Variants in UBL3 observed in about 807,000 individuals in gnomAD.
UBL3 encodes the protein ubiquitin-like protein 3.
Under a neutral mutation model 18.4 loss-of-function variants are expected in UBL3, and 6 were observed. The observed-to-expected ratio is 0.33, with a 90% CI of 0.18 to 0.64. The LOEUF is 0.64. Ranked by LOEUF, UBL3 falls within the 30% of genes least tolerant of loss-of-function variation. The pLI is 0.76. For missense variants in UBL3, 109 were observed against 142.9 expected, an observed-to-expected ratio of 0.76 and a Z score of 1.21; for synonymous variants, 49 against 46.6, an observed-to-expected ratio of 1.05 and a Z score of -0.21.
intron 1 of UBL3, among the ~76,000 whole-genome samples, chr13:29,801,340 G>C (rs1281260140): frequency 6.6e-6 from 1 of 152,172 alleles, no homozygotes; most frequent in Non-Finnish European, 1.5e-5. Context: ...CCCTGGGGAG[G>C]GGCTCCCAGA....
At chr13:29,776,261 C>CTTTTTT (rs5741722) in intron 2 of UBL3, among the ~76,000 whole-genome samples, 5 of 91,696 alleles carry the variant, frequency 5.5e-5, no homozygotes, top group Admixed American at 1.2e-4. Flanking sequence ...TCTTTTCTTT[C>CTTTTTT]TTTTTTTTTT....
chr13:29,767,231 C>G lies in UBL3; in HGVS notation c.*24G>C, dbSNP rs1295427877. On this transcript the variant is annotated 3_prime_UTR_variant, in exon 5 of 5. Transcript: ENST00000380680. ...GCAGCATGAAAGACAAAGACTATATCACATCACACTAGGCAGACAGTGTTT... is the reference window on the plus strand; with the variant it reads ...GCAGCATGAAAGACAAAGACTATATGACATCACACTAGGCAGACAGTGTTT... 5 of 1,612,032 alleles carry G rather than the reference C, an allele frequency of 3.1e-6. No homozygotes were observed. In the African/African-American group the frequency reaches 6.7e-5, roughly 22 times the overall value.
chr13:29,837,784 G>A (rs913370510), intron 1 of UBL3, among the ~76,000 whole-genome samples: 2 of 151,944 alleles, frequency 1.3e-5, no homozygotes, highest in Non-Finnish European at 2.9e-5. Flanking sequence ...ACAAAAATTA[G>A]CCGGGCGTGG....
intron 1 of UBL3, among the ~76,000 whole-genome samples, chr13:29,843,758 TCAA>T (rs1187467510): frequency 6.6e-6 from 1 of 152,226 alleles, no homozygotes; most frequent in African/African-American, 2.4e-5. Flanking sequence ...TGTAAATACT[TCAA>T]CATGCTTTCA....
At chr13:29,771,344 T>C (rs192776486) in intron 3 of UBL3, among the ~76,000 whole-genome samples, 437 of 152,162 alleles carry the variant, frequency 2.9e-3, no homozygotes, top group Non-Finnish European at 4.0e-3. Flanking sequence ...CTGTTGATGG[T>C]AGAAAATATA....
At chr13:29,779,195 G>A (rs746141653) in intron 1 of UBL3, 1 of 497,946 alleles carries the variant, frequency 2.0e-6, no homozygotes, top group Non-Finnish European at 4.0e-6. Flanking sequence ...AATTCTTCAA[G>A]CAAGGAACCT....
At chr13:29,835,093 T>TAA (rs1474147819) in intron 1 of UBL3, among the ~76,000 whole-genome samples, 2 of 19,956 alleles carry the variant, frequency 1.0e-4, no homozygotes, top group East Asian at 2.4e-3. Context: ...AATATAAATA[T>TAA]ATATATATAT....
intron 1 of UBL3, among the ~76,000 whole-genome samples, chr13:29,842,799 ATAAC>A (rs747056190): frequency 4.9e-4 from 74 of 152,342 alleles, no homozygotes; most frequent in Non-Finnish European, 7.3e-4. Flanking sequence ...TCTGCAAAAC[ATAAC>A]TAACAGCCAG....
chr13:29,790,223 T>C (rs569422197), intron 1 of UBL3, among the ~76,000 whole-genome samples: 16 of 152,192 alleles, frequency 1.1e-4, no homozygotes, highest in Non-Finnish European at 1.6e-4. Flanking sequence ...ATAATATACA[T>C]AGGACACATA....
intron 1 of UBL3, among the ~76,000 whole-genome samples, chr13:29,779,465 T>G (rs1001315353): frequency 1.3e-5 from 2 of 152,212 alleles, no homozygotes; most frequent in African/African-American, 4.8e-5. Context: ...TCTTAAAATT[T>G]TTTAAGCTTA....
chr13:29,808,056 A>G (rs1201321573), intron 1 of UBL3, among the ~76,000 whole-genome samples: 1 of 152,184 alleles, frequency 6.6e-6, no homozygotes, highest in African/African-American at 2.4e-5. Flanking sequence ...TCAGGTATAT[A>G]TGAGGAAATT....
chr13:29,779,561 G>A (rs1029774600), intron 1 of UBL3, among the ~76,000 whole-genome samples: 33 of 152,034 alleles, frequency 2.2e-4, no homozygotes, highest in Admixed American at 1.8e-3. Flanking sequence ...GATCTGTAAA[G>A]GTGACACCAA....
At chr13:29,834,604 AT>A (rs529683838) in intron 1 of UBL3, among the ~76,000 whole-genome samples, 109 of 152,296 alleles carry the variant, frequency 7.2e-4, no homozygotes, top group African/African-American at 2.4e-3. Flanking sequence ...TGATAAAAAA[AT>A]GTTAAAATTC....
At chr13:29,776,739 C>T (rs1877003614) in intron 2 of UBL3, among the ~76,000 whole-genome samples, 1 of 151,606 alleles carries the variant, frequency 6.6e-6, no homozygotes, top group African/African-American at 2.4e-5. Flanking sequence ...GGTGTGGTGG[C>T]ACGTGCCTGA....
At chr13:29,845,451 A>G (rs1879206125) in intron 1 of UBL3, among the ~76,000 whole-genome samples, 2 of 152,112 alleles carry the variant, frequency 1.3e-5, no homozygotes, top group South Asian at 4.1e-4. Flanking sequence ...AGCTGTAACT[A>G]AAGAGGAAAA....
chr13:29,810,219 G>A (rs1016530137), intron 1 of UBL3, among the ~76,000 whole-genome samples: 6 of 152,182 alleles, frequency 3.9e-5, no homozygotes, highest in African/African-American at 1.2e-4. Flanking sequence ...TTTAAAAAGT[G>A]GAGATGTTAA....
intron 1 of UBL3, among the ~76,000 whole-genome samples, chr13:29,833,282 G>A (rs1878830150): frequency 1.3e-5 from 2 of 152,218 alleles, no homozygotes. Flanking sequence ...TCTGGATGGA[G>A]ATCGGGTTAA....
At chr13:29,804,889 A>T (rs1877862350) in intron 1 of UBL3, among the ~76,000 whole-genome samples, 1 of 152,252 alleles carries the variant, frequency 6.6e-6, no homozygotes, top group Non-Finnish European at 1.5e-5. Context: ...GAGATTACAG[A>T]AACAGCTTAT....
At chr13:29,841,843 G>A (rs1038900572) in intron 1 of UBL3, among the ~76,000 whole-genome samples, 7 of 152,128 alleles carry the variant, frequency 4.6e-5, no homozygotes, top group African/African-American at 1.7e-4. Flanking sequence ...AAATGAGCTC[G>A]GTTGATAATC....
Sources: gnomAD v4.1 joint callset for allele counts (sites outside exome capture counted in the v4.1 genomes callset) on GRCh38, gnomAD v4.1.1 for gene constraint, MANE v1.5 for transcripts, NCBI Gene and HGNC (gene_info 2026-07-23, HGNC 2026-07-21) for gene names.